The following FCHSD2 variants were observed in gnomAD, a reference collection of about 807,000 sequenced individuals.
FCHSD2 encodes FCH and double SH3 domains 2.
In FCHSD2, 38 loss-of-function variants were observed where a neutral mutation model predicts 108.1. The ratio of observed to expected loss-of-function variants is 0.35; its 90% CI spans 0.27 to 0.46. The LOEUF (loss-of-function observed/expected upper bound fraction) is 0.46, where lower values mean the gene tolerates loss of function less well. Ranked by LOEUF, FCHSD2 falls within the 20% of genes least tolerant of loss-of-function variation. The probability of loss-of-function intolerance (pLI) is 1.00; values close to 1 mark genes in which losing one functional copy is unlikely to be tolerated. For missense variants in FCHSD2, 751 were observed against 897.8 expected (o/e 0.84, Z 2.09); for synonymous variants, 279 against 314.7 (o/e 0.89, Z 1.20).
intron 3 of FCHSD2, among the ~76,000 whole-genome samples, chr11:73,034,923 A>AAGG (rs1858450616): frequency 6.6e-6 from 1 of 152,198 alleles, no homozygotes; most frequent in East Asian, 1.9e-4. Context: ...TACCTTTAAA[A>AAGG]AGGTCACTCC....
intron 12 of FCHSD2, among the ~76,000 whole-genome samples, chr11:72,872,551 G>C (rs1272242862): frequency 1.3e-5 from 2 of 151,838 alleles, no homozygotes; most frequent in Non-Finnish European, 2.9e-5. Context: ...ATAATACATG[G>C]TCTTTTATGA....
chr11:72,972,887 G>A (rs905939087), intron 8 of FCHSD2, among the ~76,000 whole-genome samples: 57 of 152,152 alleles, frequency 3.7e-4, no homozygotes, highest in African/African-American at 1.3e-3. Context: ...TGCAAACAAT[G>A]CTGAAAGGTA....
chr11:73,132,234 C>A lies in FCHSD2; in HGVS notation c.119+7797G>T, dbSNP rs369071419. Among the ~76,000 whole-genome samples, 32 of 152,262 alleles carry A rather than the reference C, an allele frequency of 2.1e-4. 1 individual carries two copies. In the South Asian group the frequency reaches 6.6e-3, roughly 32 times the overall value. ...GAAACACGATAACTTCCTTTTGTAC[C>A]TTGAATAAGACAACATTCTTCCTGG... On this transcript the variant is annotated intron_variant, in intron 2 of 19. Coordinates refer to ENST00000409418, the MANE Select transcript of FCHSD2 (RefSeq NM_014824.3).
At chr11:72,842,945 T>C in intron 16 of FCHSD2, 104 bp from the exon 17 acceptor site, 2 of 983,882 alleles carry the variant, frequency 2.0e-6, no homozygotes, top group Non-Finnish European at 3.0e-6. Flanking sequence ...TCATACAGAA[T>C]AGGATTAAAG....
At chr11:73,061,714 G>A (rs1264107350) in intron 3 of FCHSD2, among the ~76,000 whole-genome samples, 3 of 152,204 alleles carry the variant, frequency 2.0e-5, no homozygotes, top group Admixed American at 1.3e-4. Context: ...CGAACTGGGT[G>A]GAGCCCACTG....
intron 3 of FCHSD2, among the ~76,000 whole-genome samples, chr11:73,066,444 AC>A (rs1859294360): frequency 6.6e-6 from 1 of 152,218 alleles, no homozygotes; most frequent in Non-Finnish European, 1.5e-5. Context: ...ATGGGCAAAG[AC>A]TTCATGTCTA....
chr11:72,902,551 T>C lies in FCHSD2; in HGVS notation c.916A>G (p.Ser306Gly), dbSNP rs144344315. 4.4e-5 allele frequency: 70 copies of C among 1,576,532 alleles called. No individual in the cohort carries two copies. Among genetic ancestry groups the C allele is most frequent in the Admixed American group, 2.7e-4 (15 of 54,648 alleles). ...PQPFQFQPCD[S>G]DTSRQLESET... ...ATCTATAATTCCCTTACAGTATCAC[T>C]GTCACAAGGCTGGAACTGGAAGGGC... The change falls in exon 10 of 20, where the codon AGT (serine) becomes GGT (glycine). Residue 306 changes from serine to glycine, a missense_variant. Physicochemically the swap from Ser to Gly is moderately conservative, Grantham distance 56 (BLOSUM62 0). Coordinates refer to ENST00000409418, the MANE Select transcript of FCHSD2 (RefSeq NM_014824.3).
chr11:73,016,344 C>CCAACCAAA (rs1857974509), intron 3 of FCHSD2, among the ~76,000 whole-genome samples: 1 of 151,038 alleles, frequency 6.6e-6, no homozygotes, highest in African/African-American at 2.4e-5. Flanking sequence ...AACCAACCAA[C>CCAACCAAA]CAACCAAACA....
Position 73,016,988 on chromosome 11 carries a change from CGTTT to C in FCHSD2, c.166-1107_166-1104del, listed in dbSNP as rs145484225. 1.8e-3 allele frequency among the ~76,000 whole-genome samples: 271 copies of C among 152,080 alleles called. 2 individuals are homozygous for C. Among genetic ancestry groups the C allele is most frequent in the Admixed American group, 2.9e-3 (44 of 15,274 alleles). On this transcript the variant is annotated intron_variant, in intron 3 of 19. Coordinates refer to ENST00000409418, the MANE Select transcript of FCHSD2 (RefSeq NM_014824.3). ...GTTTTTTTGCTTGTTTGTTTTCGTT[CGTTT>C]GTTTGTTTGAGACAAGGCCTCATTC...
At chr11:72,997,214 G>A (rs1039854732) in intron 5 of FCHSD2, among the ~76,000 whole-genome samples, 8 of 152,170 alleles carry the variant, frequency 5.3e-5, no homozygotes, top group African/African-American at 1.7e-4. Flanking sequence ...GCTACACGAT[G>A]TTGAGAAGAC....
At chr11:73,138,738 G>C (rs1360121584) in intron 2 of FCHSD2, among the ~76,000 whole-genome samples, 1 of 151,570 alleles carries the variant, frequency 6.6e-6, no homozygotes, top group African/African-American at 2.4e-5. Flanking sequence ...CTCCTGAGTA[G>C]CTAGGACTAC....
chr11:72,967,338 G>A (rs948558882), intron 8 of FCHSD2, among the ~76,000 whole-genome samples: 1 of 151,968 alleles, frequency 6.6e-6, no homozygotes, highest in African/African-American at 2.4e-5. Context: ...GGTAACAGCC[G>A]AAAAGTGGAA....
chr11:73,057,315 G>A (rs1166512516), intron 3 of FCHSD2, among the ~76,000 whole-genome samples: 1 of 151,786 alleles, frequency 6.6e-6, no homozygotes, highest in Non-Finnish European at 1.5e-5. Flanking sequence ...ACTAGGAGAA[G>A]CAAAACAGAA....
chr11:73,116,101 T>C (rs1860595046), intron 2 of FCHSD2, among the ~76,000 whole-genome samples: 1 of 152,254 alleles, frequency 6.6e-6, no homozygotes, highest in Non-Finnish European at 1.5e-5. Flanking sequence ...GACTTTCCTT[T>C]CTATTTCTAG....
intron 12 of FCHSD2, among the ~76,000 whole-genome samples, chr11:72,876,558 T>C (rs1388042819): frequency 1.3e-5 from 2 of 152,248 alleles, no homozygotes; most frequent in African/African-American, 4.8e-5. Context: ...TATCAATCCT[T>C]TTAAACTTAT....
intron 3 of FCHSD2, among the ~76,000 whole-genome samples, chr11:73,045,069 C>CA (rs796407149): frequency 0.03 from 3,009 of 99,520 alleles, 108 homozygotes; most frequent in Admixed American, 0.13. Flanking sequence ...GACTCCATCT[C>CA]AAAAAAAAAA....
chr11:72,870,012 A>C, intron 12 of FCHSD2, among the ~76,000 whole-genome samples: 1 of 151,720 alleles, frequency 6.6e-6, no homozygotes, highest in Admixed American at 6.6e-5. Flanking sequence ...ACACCCCCCT[A>C]TGCTCCCACC....
chr11:72,862,328 G>A (rs1300605628), intron 13 of FCHSD2, among the ~76,000 whole-genome samples: 1 of 152,120 alleles, frequency 6.6e-6, no homozygotes, highest in Non-Finnish European at 1.5e-5. Flanking sequence ...CAGGTGACAC[G>A]GTTATATAGA....
chr11:73,013,010 C>T (rs918312169), intron 4 of FCHSD2, among the ~76,000 whole-genome samples: 1 of 152,186 alleles, frequency 6.6e-6, no homozygotes, highest in African/African-American at 2.4e-5. Context: ...GTCTTCCTCA[C>T]ACCCCTCGAA....
Sources: allele counts gnomAD v4.1 joint callset (sites outside exome capture counted in the v4.1 genomes callset), GRCh38; gene constraint gnomAD v4.1.1; transcripts MANE v1.5; gene names NCBI Gene and HGNC (gene_info 2026-07-23, HGNC 2026-07-21).